Variants in RABEP2 observed in about 807,000 individuals in gnomAD.
RABEP2 encodes rabaptin, RAB GTPase binding effector protein 2.
RABEP2 carries 57 observed loss-of-function variants against 74.1 expected under a neutral mutation model. The ratio of observed to expected loss-of-function variants is 0.77; its 90% CI spans 0.62 to 0.96. The LOEUF is 0.96. Ranked by LOEUF, RABEP2 falls within the 40% of genes least tolerant of loss-of-function variation. RABEP2 has a pLI of 0.00. For missense variants in RABEP2, 692 were observed against 756.3 expected, an observed-to-expected ratio of 0.91 and a Z score of 1.00; for synonymous variants, 351 against 344.0, an observed-to-expected ratio of 1.02 and a Z score of -0.23.
intron 1 of RABEP2, 153 bp downstream of exon 1, chr16:28,924,950 T>C (rs1366675148): frequency 5.2e-6 from 5 of 965,484 alleles, no homozygotes; most frequent in Non-Finnish European, 8.0e-6. Context: ...CACGCCCCCT[T>C]TTGCCTGTGG....
intron 3 of RABEP2, among the ~76,000 whole-genome samples, chr16:28,916,510 A>G (rs747546721): frequency 6.6e-6 from 1 of 151,600 alleles, no homozygotes; most frequent in African/African-American, 2.4e-5. Flanking sequence ...TGTGTGTACT[A>G]AAAATACAAA....
At chr16:28,917,970 C>T (rs1435653232) in intron 3 of RABEP2, 1 of 151,526 alleles carries the variant, frequency 6.6e-6, no homozygotes, top group African/African-American at 2.4e-5. Flanking sequence ...GTATCTATCT[C>T]ACAGGTCTGC....
chr16:28,906,690 A>G (rs1964239056), intron 8 of RABEP2, among the ~76,000 whole-genome samples: 1 of 152,108 alleles, frequency 6.6e-6, no homozygotes, highest in Non-Finnish European at 1.5e-5. Flanking sequence ...ACTTGAACCT[A>G]GGAGGCAGAG....
intron 8 of RABEP2, among the ~76,000 whole-genome samples, chr16:28,907,473 A>AT (rs1365652415): frequency 6.6e-6 from 1 of 150,966 alleles, no homozygotes; most frequent in East Asian, 1.9e-4. Context: ...TTTTATTTTT[A>AT]TTTTTTGTAG....
chr16:28,918,058 A>ATTTT (rs1266641736), intron 3 of RABEP2: 1 of 116,842 alleles, frequency 8.6e-6, no homozygotes, highest in Non-Finnish European at 1.8e-5. Context: ...GCTTCCTATA[A>ATTTT]TTGTTTTTTT....
chr16:28,908,685 T>A lies in RABEP2; in HGVS notation c.1169A>T (p.Glu390Val). 6.2e-7 allele frequency: 1 copy of A among 1,614,248 alleles called. No homozygotes were observed. The highest frequency in any genetic ancestry group is 1.1e-5 in the South Asian group (1 of 91,088). ...CTGGGGGGCTGAGGATGGCAGCTGCTCGGCCCGGAGCCCTTGGTTTTCCTC... is the reference window on the plus strand; with the variant it reads ...CTGGGGGGCTGAGGATGGCAGCTGCACGGCCCGGAGCCCTTGGTTTTCCTC... The part of the protein sequence containing the change: ...LNEENQGLRA[E>V]QLPSSAPQGS... The change falls in exon 8 of 13, where the codon GAG (glutamate) becomes GTG (valine). Residue 390 changes from glutamate to valine, a missense_variant. Physicochemically the swap from Glu to Val is moderately radical, Grantham distance 121. Coordinates refer to ENST00000358201, the MANE Select transcript of RABEP2 (RefSeq NM_024816.3).
intron 3 of RABEP2, among the ~76,000 whole-genome samples, chr16:28,915,130 G>A (rs1159412841): frequency 6.7e-5 from 10 of 148,474 alleles, no homozygotes; most frequent in African/African-American, 2.2e-4. Context: ...GCACAATCTC[G>A]GCTCGCTGCT....
chr16:28,925,010 A>G (rs1245145454), intron 1 of RABEP2, 93 bp downstream of exon 1: 1 of 826,536 alleles, frequency 1.2e-6, no homozygotes, highest in African/African-American at 2.9e-5. Context: ...CCCTTCCTCC[A>G]TCATCCCTCT....
At chr16:28,909,724 TA>T (rs1182969016) in intron 7 of RABEP2, among the ~76,000 whole-genome samples, 67 of 138,312 alleles carry the variant, frequency 4.8e-4, no homozygotes, top group Admixed American at 6.6e-4. Flanking sequence ...CACCATTTCT[TA>T]AAAAAAAAAA....
At chr16:28,909,401 G>C (rs538350462) in intron 7 of RABEP2, among the ~76,000 whole-genome samples, 4 of 152,038 alleles carry the variant, frequency 2.6e-5, no homozygotes, top group Non-Finnish European at 1.5e-5. Context: ...AAACCTTAAA[G>C]TAGTTGCCAA....
intron 1 of RABEP2, 34 bp downstream of exon 1, chr16:28,925,069 C>G: frequency 6.5e-7 from 1 of 1,549,540 alleles, no homozygotes; most frequent in Non-Finnish European, 8.7e-7. Flanking sequence ...CCAGCATCAC[C>G]GTTCCCCGCT....
chr16:28,919,958 G>T lies in RABEP2; in HGVS notation c.275-15C>A. ...GCTGATGGAGTCTGGTGGGGGAGAG[G>T]GAGGGTGGGAGAGAGGGAGGGTCAA... On this transcript the variant is annotated splice_polypyrimidine_tract_variant and intron_variant, in intron 2 of 12. Transcript: ENST00000358201. 6.4e-7 allele frequency: 1 copy of T among 1,566,350 alleles called. No individual in the cohort carries two copies. Among genetic ancestry groups the T allele is most frequent in the African/African-American group, 1.3e-5 (1 of 74,214 alleles).
At chr16:28,910,605 A>C in intron 7 of RABEP2, 1 of 355,090 alleles carries the variant, frequency 2.8e-6, no homozygotes. Flanking sequence ...TGACTCTGCA[A>C]ACTAGGGCCC....
chr16:28,923,622 G>A (rs867773714), intron 2 of RABEP2, among the ~76,000 whole-genome samples: 7 of 152,314 alleles, frequency 4.6e-5, no homozygotes, highest in Middle Eastern at 3.4e-3. Context: ...GGTGGATCCT[G>A]AAATGTGGGA....
intron 3 of RABEP2, among the ~76,000 whole-genome samples, chr16:28,919,023 T>C (rs1964432630): frequency 6.6e-6 from 1 of 152,140 alleles, no homozygotes. Context: ...TCTATGTGCG[T>C]AAACAGGGGA....
In RABEP2 at chr16:28,914,341, C is replaced by T. The variant is rs745315045; in HGVS notation, c.789G>A (p.Thr263=). 13 of 1,613,272 alleles carry T rather than the reference C, an allele frequency of 8.1e-6. No homozygotes were observed. Among genetic ancestry groups the T allele is most frequent in the Middle Eastern group, 1.7e-4 (1 of 5,956 alleles). Residue 263 remains threonine, a synonymous_variant, in exon 5 of 13, where the codon ACG becomes ACA. Coordinates refer to ENST00000358201, the MANE Select transcript of RABEP2 (RefSeq NM_024816.3). The part of the protein sequence containing the change: ...RQGLSPEQEE[T]ASLVSTGTLV... ...GGGTGCCCGTAGACACCAGCGAGGC[C>T]GTCTCTTCCTGTTCAGGGCTCAGGC...
rs372536339 is a variant in RABEP2, at chr16:28,914,549, G to A, written c.581C>T (p.Thr194Met). The A allele has an allele frequency of 5.0e-5, 80 of 1,611,470 alleles. No individual in the cohort carries two copies. The African/African-American group carries it at 8.7e-4, about 17-fold the overall frequency. The change falls in exon 5 of 13, where the codon ACG becomes ATG. Residue 194 changes from threonine (T) to methionine (M), a missense_variant. Coordinates refer to ENST00000358201, the MANE Select transcript of RABEP2 (RefSeq NM_024816.3). ...PRHAPSLHGSTELLPLSRDPS... is the reference protein window; with the variant it reads ...PRHAPSLHGSMELLPLSRDPS... ...ATCCCGGGACAGGGGCAGCAACTCC[G>A]TGGAGCCGTGCAGGGAAGGGGCATG...
Position 28,906,104 on chromosome 16 carries a change from G to C in RABEP2, c.1338C>G (p.Ile446Met), listed in dbSNP as rs571749847. Residue 446 changes from isoleucine to methionine, a missense_variant, in exon 9 of 13, where the codon ATC becomes ATG. Ile to Met is a conservative substitution (Grantham distance 10). Transcript: ENST00000358201. ...EHGAERLRIEIVTLREALEEE... is the reference protein window; with the variant it reads ...EHGAERLRIEMVTLREALEEE... ...CCTCCAGAGCCTCCCGCAGCGTCAC[G>C]ATCTCGATCCGCAGGCGCTCGGCCC... is the stretch of plus-strand genomic sequence containing the variant. 8 of 1,596,322 alleles carry C rather than the reference G, an allele frequency of 5.0e-6. No individual in the cohort carries two copies. The highest frequency in any genetic ancestry group is 2.3e-5 in the East Asian group (1 of 44,038).
intron 8 of RABEP2, among the ~76,000 whole-genome samples, chr16:28,907,292 G>A (rs909745429): frequency 6.6e-6 from 1 of 151,744 alleles, no homozygotes; most frequent in Admixed American, 6.6e-5. Flanking sequence ...GAGTTGCTGG[G>A]ACTGCAGGTG....
Sources: gnomAD v4.1 joint callset for allele counts (sites outside exome capture counted in the v4.1 genomes callset) on GRCh38, gnomAD v4.1.1 for gene constraint, MANE v1.5 for transcripts, NCBI Gene and HGNC (gene_info 2026-07-23, HGNC 2026-07-21) for gene names.